The following GMEB2 variants were observed in gnomAD, a reference collection of about 807,000 sequenced individuals.
The protein encoded by GMEB2 is glucocorticoid modulatory element binding protein 2, also known as glucocorticoid modulatory element-binding protein 2.
A neutral mutation model predicts 45.7 loss-of-function variants in GMEB2; 7 were observed. That is an observed-to-expected ratio of 0.15 (90% CI 0.09 to 0.29). GMEB2 has a LOEUF of 0.29. Among genes scored for constraint, GMEB2 ranks in the 10% least tolerant of loss-of-function variants. The probability of loss-of-function intolerance (pLI) is 1.00; values close to 1 mark genes in which losing one functional copy is unlikely to be tolerated. For synonymous variants in GMEB2, 322 were observed against 323.6 expected, an observed-to-expected ratio of 1.00 and a Z score of 0.05; for missense variants, 582 against 739.2, an observed-to-expected ratio of 0.79 and a Z score of 2.47.
At position 63,590,658 on chromosome 20, in the gene GMEB2, T is replaced by C. The variant is rs1462281051; in HGVS notation, c.1024A>G (p.Asn342Asp). The change falls in exon 10 of 10, where the codon AAC becomes GAC. Residue 342 changes from asparagine (N) to aspartate (D), a missense_variant. Around this residue, in one of 3 missense-constraint regions of GMEB2, gnomAD observed 462 missense variants for 586.7 expected, o/e 0.79. Coordinates refer to ENST00000370077, the MANE Select transcript of GMEB2 (RefSeq NM_012384.5). ...ELKHKSQHLS[N>D]VLMTLTPVSL... Reference sequence around the variant, plus strand: ...ACCGGCGTCAGCGTCATGAGCACGTTGCTGAGGTGCTGGGACTTGTGCTTC... The same window carrying C: ...ACCGGCGTCAGCGTCATGAGCACGTCGCTGAGGTGCTGGGACTTGTGCTTC... The C allele has an allele frequency of 1.3e-6, 2 of 1,564,672 alleles. No individual in the cohort carries two copies. The highest frequency in any genetic ancestry group is 1.7e-6 in the Non-Finnish European group (2 of 1,154,338).
Position 63,595,792 on chromosome 20 carries a change from G to A in GMEB2, c.462-25C>T, listed in dbSNP as rs746134418. 74 of 1,610,460 alleles carry A rather than the reference G, an allele frequency of 4.6e-5. 1 individual carries two copies. Among genetic ancestry groups the A allele is most frequent in the Middle Eastern group, 3.3e-4 (2 of 6,074 alleles). ...CCTGTGACAGACAGTGGCATGGAGC[G>A]TCCAGGTCGGCCCCAGAGCCGAAGG... On this transcript the variant is annotated intron_variant, in intron 5 of 9. Coordinates refer to ENST00000370077, the MANE Select transcript of GMEB2 (RefSeq NM_012384.5).
intron 3 of GMEB2, among the ~76,000 whole-genome samples, chr20:63,604,535 G>A (rs1380367980): frequency 6.6e-6 from 1 of 152,206 alleles, no homozygotes; most frequent in East Asian, 1.9e-4. Context: ...ATTAGTCATG[G>A]GCAGAGAAAG....
At chr20:63,615,735 G>A (rs1445481921) in intron 2 of GMEB2, among the ~76,000 whole-genome samples, 1 of 152,198 alleles carries the variant, frequency 6.6e-6, no homozygotes, top group East Asian at 1.9e-4. Flanking sequence ...GAAGCTGTGT[G>A]TACAGTGGGG....
At chr20:63,609,429 C>G (rs1157073841) in intron 2 of GMEB2, among the ~76,000 whole-genome samples, 3 of 126,216 alleles carry the variant, frequency 2.4e-5, no homozygotes, top group Non-Finnish European at 5.2e-5. Flanking sequence ...ACCTCCATTT[C>G]TAGAAACATG....
intron 1 of GMEB2, among the ~76,000 whole-genome samples, chr20:63,626,668 G>A (rs1364754472): frequency 2.0e-5 from 3 of 151,524 alleles, no homozygotes; most frequent in Non-Finnish European, 4.4e-5. Flanking sequence ...TGGTCCCCCC[G>A]GGATGGGTCC....
At chr20:63,591,071 G>T (rs142928045) in intron 9 of GMEB2, among the ~76,000 whole-genome samples, 1 of 152,184 alleles carries the variant, frequency 6.6e-6, no homozygotes, top group Non-Finnish European at 1.5e-5. Context: ...TCAGATCCCC[G>T]CATGAGCTTT....
At chr20:63,621,882 G>T (rs1431220235) in intron 1 of GMEB2, among the ~76,000 whole-genome samples, 1 of 151,830 alleles carries the variant, frequency 6.6e-6, no homozygotes, top group Non-Finnish European at 1.5e-5. Context: ...CCAGGACTTT[G>T]GGAGGCCAAG....
chr20:63,626,777 C>G (rs1196356689), intron 1 of GMEB2, among the ~76,000 whole-genome samples, 179 bp downstream of exon 1: 1 of 145,756 alleles, frequency 6.9e-6, no homozygotes, highest in African/African-American at 2.5e-5. Context: ...CCGCGCCGCC[C>G]GCCTGACGCC....
intron 1 of GMEB2, among the ~76,000 whole-genome samples, chr20:63,624,744 G>A (rs958073671): frequency 1.2e-4 from 18 of 152,222 alleles, no homozygotes; most frequent in Non-Finnish European, 2.6e-4. Context: ...GTCTCGCTCT[G>A]TAGCCCAGGT....
At chr20:63,620,891 C>T (rs956098115) in intron 1 of GMEB2, among the ~76,000 whole-genome samples, 1 of 152,192 alleles carries the variant, frequency 6.6e-6, no homozygotes, top group Admixed American at 6.6e-5. Context: ...AACAAATACA[C>T]AAGAGAAGCT....
Position 63,597,749 on chromosome 20 carries a change from G to A in GMEB2, c.461+8C>T. The A allele has an allele frequency of 2.0e-6, 3 of 1,518,320 alleles. No individual in the cohort carries two copies. The highest frequency in any genetic ancestry group is 1.8e-6 in the Non-Finnish European group (2 of 1,092,816). 94.1% of individuals were successfully genotyped at this position (1,518,320 alleles called of 1,614,324 possible). On this transcript the variant is annotated splice_region_variant and intron_variant, in intron 5 of 9. Coordinates refer to ENST00000370077, the MANE Select transcript of GMEB2 (RefSeq NM_012384.5). ...CAGCAGGGAGGCTGACCCTGCGCCA[G>A]CGCCCACCTGAGCATGATGCCGTTC...
intron 4 of GMEB2, among the ~76,000 whole-genome samples, chr20:63,598,477 CA>C (rs1259863866): frequency 5.3e-5 from 8 of 152,160 alleles, no homozygotes; most frequent in African/African-American, 1.7e-4. Flanking sequence ...TCTTGTTACA[CA>C]AGCAATTATT....
At position 63,619,405 on chromosome 20, in the gene GMEB2, C is replaced by A; in HGVS notation, c.-8G>T. 1.2e-6 allele frequency: 2 copies of A among 1,608,068 alleles called. No individual in the cohort carries two copies. The highest frequency in any genetic ancestry group is 1.7e-6 in the Non-Finnish European group (2 of 1,179,062). On this transcript the variant is annotated 5_prime_UTR_variant, in exon 2 of 10. Transcript: ENST00000370077. The surrounding 1 kb of genome is among the most constrained non-coding windows in gnomAD (Gnocchi z 4.6). Reference sequence around the variant, plus strand: ...CACGTCGGGAGTCGCCATGGCTCAGCGGAAGGGGACGCCCAGGCCAGCAGC... The same window carrying A: ...CACGTCGGGAGTCGCCATGGCTCAGAGGAAGGGGACGCCCAGGCCAGCAGC...
intron 2 of GMEB2, among the ~76,000 whole-genome samples, chr20:63,605,358 C>T (rs2089510448): frequency 6.6e-6 from 1 of 151,722 alleles, no homozygotes; most frequent in South Asian, 2.1e-4. Flanking sequence ...CATGGTAAAA[C>T]CTCGTCTTTA....
chr20:63,599,867 G>T (rs2083229074), intron 4 of GMEB2, among the ~76,000 whole-genome samples: 1 of 152,184 alleles, frequency 6.6e-6, no homozygotes, highest in Non-Finnish European at 1.5e-5. Flanking sequence ...TGAGAGTGAA[G>T]CAGAGACGTC....
chr20:63,602,722 G>C (rs773383455), intron 4 of GMEB2, among the ~76,000 whole-genome samples: 12 of 152,148 alleles, frequency 7.9e-5, no homozygotes, highest in Non-Finnish European at 1.5e-4. Context: ...GATCTGCTGG[G>C]TAAAGCTCCT....
intron 2 of GMEB2, among the ~76,000 whole-genome samples, chr20:63,612,914 CTA>C (rs1400886682): frequency 6.6e-6 from 1 of 152,188 alleles, no homozygotes; most frequent in East Asian, 1.9e-4. Flanking sequence ...ATAATAACAA[CTA>C]TGTCTTGTCT....
intron 2 of GMEB2, among the ~76,000 whole-genome samples, chr20:63,613,767 C>A (rs1212526826): frequency 6.6e-6 from 1 of 152,178 alleles, no homozygotes; most frequent in African/African-American, 2.4e-5. Context: ...CCACCCTGGC[C>A]TCCCAAAGTG....
chr20:63,590,200 C>T lies in GMEB2; in HGVS notation c.1482G>A (p.Ser494=), dbSNP rs767585227. The T allele has an allele frequency of 6.8e-6, 11 of 1,606,708 alleles. No individual in the cohort carries two copies. Among genetic ancestry groups the T allele is most frequent in the Middle Eastern group, 3.3e-4 (2 of 6,046 alleles). ...GPTLQNVAQA[S]PGSSTIVTVP... ...CTGTCACAATTGTGCTGGAGCCAGG[C>T]GAGGCCTGGGCCACGTTCTGCAGGG... Residue 494 remains serine (S), a synonymous_variant, in exon 10 of 10, where the codon TCG becomes TCA. Transcript: ENST00000370077.
Sources: gnomAD v4.1 joint callset for allele counts (sites outside exome capture counted in the v4.1 genomes callset) on GRCh38, gnomAD v4.1.1 for gene constraint, gnomAD v4.1.1 regional missense constraint, Gnocchi (gnomAD v3.1) non-coding constraint, MANE v1.5 for transcripts, NCBI Gene and HGNC (gene_info 2026-07-23, HGNC 2026-07-21) for gene names.